The following EXD1 variants were observed in gnomAD, a reference collection of about 807,000 sequenced individuals.
The protein encoded by EXD1 is exonuclease 3'-5' domain containing 1.
Under a neutral mutation model 49.1 loss-of-function variants are expected in EXD1, and 63 were observed. The observed-to-expected ratio is 1.28, with a 90% CI of 1.05 to 1.58. EXD1 has a LOEUF of 1.58. EXD1 is among the 40% of genes most tolerant of loss of function. The probability of loss-of-function intolerance (pLI) is 0.00; values close to 1 mark genes in which losing one functional copy is unlikely to be tolerated. For synonymous variants in EXD1, 234 were observed against 239.2 expected, an observed-to-expected ratio of 0.98 and a Z score of 0.20; for missense variants, 748 against 666.0, an observed-to-expected ratio of 1.12 and a Z score of -1.36.
At chr15:41,187,181 G>C (rs1019877474) in intron 11 of EXD1, among the ~76,000 whole-genome samples, 6 of 149,122 alleles carry the variant, frequency 4.0e-5, no homozygotes, top group African/African-American at 1.0e-4. Context: ...ACCACACCCG[G>C]TCTGTCCAAG....
chr15:41,185,818 G>A (rs767133660), intron 11 of EXD1, among the ~76,000 whole-genome samples: 7 of 152,124 alleles, frequency 4.6e-5, no homozygotes, highest in South Asian at 4.1e-4. Context: ...ACCACACCCG[G>A]CATCCGATTA....
At chr15:41,191,733 C>T in intron 9 of EXD1, 148 bp from the exon 10 acceptor site, 1 of 732,104 alleles carries the variant, frequency 1.4e-6, no homozygotes, top group Non-Finnish European at 2.1e-6. Context: ...TAAAGTTGTT[C>T]AGCCAACTTA....
chr15:41,198,755 C>T (rs1246035003), intron 7 of EXD1, among the ~76,000 whole-genome samples: 1 of 151,108 alleles, frequency 6.6e-6, no homozygotes, highest in Middle Eastern at 3.2e-3. Context: ...GCCCAGGCTG[C>T]AGTGCAATGG....
chr15:41,191,369 T>C (rs2046511930), intron 10 of EXD1, 73 bp downstream of exon 10: 2 of 1,400,276 alleles, frequency 1.4e-6, no homozygotes, highest in Non-Finnish European at 2.0e-6. Flanking sequence ...TTTTTCTACA[T>C]AACAGGCTGA....
intron 7 of EXD1, among the ~76,000 whole-genome samples, chr15:41,199,753 A>AATATATCATATATT: frequency 1.0e-5 from 1 of 96,870 alleles, no homozygotes; most frequent in Non-Finnish European, 1.9e-5. Flanking sequence ...TATATTATAT[A>AATATATCATATATT]TGATACATAT....
intron 6 of EXD1, among the ~76,000 whole-genome samples, chr15:41,214,620 C>T (rs531772045): frequency 6.6e-6 from 1 of 152,190 alleles, no homozygotes; most frequent in African/African-American, 2.4e-5. Flanking sequence ...CCTCCTGCCC[C>T]CTTCCATCTC....
At chr15:41,185,983 C>CT (rs1246685615) in intron 11 of EXD1, among the ~76,000 whole-genome samples, 4 of 151,994 alleles carry the variant, frequency 2.6e-5, no homozygotes, top group African/African-American at 9.7e-5. Context: ...ATTCTGATTC[C>CT]TTTTTTCAAT....
chr15:41,230,400 C>G (rs953281510), intron 1 of EXD1, 79 bp downstream of exon 1: 1 of 1,496,298 alleles, frequency 6.7e-7, no homozygotes, highest in African/African-American at 1.4e-5. Context: ...TTAATCAAAA[C>G]AAACAATACA....
chr15:41,208,216 T>C (rs2046863907), intron 7 of EXD1, among the ~76,000 whole-genome samples: 1 of 151,608 alleles, frequency 6.6e-6, no homozygotes, highest in Non-Finnish European at 1.5e-5. Flanking sequence ...TTTGTGCTGC[T>C]AATTCAAACC....
chr15:41,219,897 C>T lies in EXD1; in HGVS notation c.135G>A (p.Val45=), dbSNP rs1467858895. ...CACTTCGACCTGTCTCCACATTCTT[C>T]ACTGTTACAGAAAACAATTCATTCA... ...DPNKIVVLKK[V]KNVETGRSVP... Residue 45 remains valine, a splice_region_variant and synonymous_variant, in exon 3 of 12, where the codon GTG becomes GTA. Coordinates refer to ENST00000458580, the MANE Select transcript of EXD1 (RefSeq NM_001286441.2). 6.5e-7 allele frequency: 1 copy of T among 1,534,244 alleles called. No homozygotes were observed. The highest frequency in any genetic ancestry group is 8.7e-7 in the Non-Finnish European group (1 of 1,146,070).
intron 11 of EXD1, among the ~76,000 whole-genome samples, chr15:41,185,957 T>C (rs964667380): frequency 3.9e-5 from 6 of 152,218 alleles, no homozygotes; most frequent in African/African-American, 1.4e-4. Flanking sequence ...TTTAGTTGTA[T>C]AGCTGGCAAG....
At chr15:41,189,780 A>G (rs2046475946) in intron 11 of EXD1, among the ~76,000 whole-genome samples, 157 bp downstream of exon 11, 1 of 152,208 alleles carries the variant, frequency 6.6e-6, no homozygotes, top group South Asian at 2.1e-4. Context: ...TGAAAAAGTG[A>G]GGGGATGGAT....
chr15:41,212,944 G>A (rs974327135), intron 6 of EXD1, among the ~76,000 whole-genome samples: 1 of 152,064 alleles, frequency 6.6e-6, no homozygotes, highest in African/African-American at 2.4e-5. Context: ...GGGAGGCTAA[G>A]GTGGGAGGAT....
rs747130375 is a variant in EXD1 at position 41,184,310 on chromosome 15, G to C, written c.1340C>G (p.Ala447Gly). Residue 447 changes from alanine to glycine, a missense_variant, in exon 12 of 12, where the codon GCT becomes GGT. Transcript: ENST00000458580. ...GGGAGGTAGATGTTGAGGATTTGTA[G>C]CTTGTTTATTCAAAGATTCTTCTTT... is the stretch of plus-strand genomic sequence containing the variant. Reference protein sequence around the residue: ...LLKEESLNKQATNPQHLPPTE... With the variant: ...LLKEESLNKQGTNPQHLPPTE... 2 of 1,614,036 alleles carry C rather than the reference G, an allele frequency of 1.2e-6. No individual in the cohort carries two copies. The highest frequency in any genetic ancestry group is 8.5e-7 in the Non-Finnish European group (1 of 1,180,028).
intron 6 of EXD1, among the ~76,000 whole-genome samples, chr15:41,213,295 G>C (rs1020718264): frequency 6.6e-6 from 1 of 150,638 alleles, no homozygotes; most frequent in Admixed American, 6.6e-5. Context: ...TCTGCCTCCT[G>C]GGTTCAAGCA....
In EXD1 at chr15:41,230,570, GCGTTCCT is replaced by G; in HGVS notation, c.-152_-146del. ...TGGATCCTAATTTCAGCCAAGTGGT[GCGTTCCT>G]CGAACTTCAGTCTAGAACTAAAAGA... On this transcript the variant is annotated 5_prime_UTR_variant, in exon 1 of 12. Transcript: ENST00000458580. The G allele has an allele frequency of 6.2e-7, 1 of 1,613,394 alleles. No individual in the cohort carries two copies. The highest frequency in any genetic ancestry group is 8.5e-7 in the Non-Finnish European group (1 of 1,179,504).
At position 41,183,988 on chromosome 15, in the gene EXD1, G is replaced by T; in HGVS notation, c.1662C>A (p.Pro554=). ...IRKTVVSTLP[P]CPALEKIDSW... ...AATCGATCTTCTCCAAGGCTGGACA[G>T]GGAGGGAGTGTGGAAACCACAGTCT... Residue 554 remains proline, a synonymous_variant, in exon 12 of 12, where the codon CCC becomes CCA. Transcript: ENST00000458580. 1 of 1,613,826 alleles carries T rather than the reference G, an allele frequency of 6.2e-7. No homozygotes were observed. Among genetic ancestry groups the T allele is most frequent in the Non-Finnish European group, 8.5e-7 (1 of 1,179,856 alleles).
chr15:41,207,092 T>C (rs1328830482), intron 7 of EXD1, among the ~76,000 whole-genome samples: 2 of 145,256 alleles, frequency 1.4e-5, no homozygotes, highest in Non-Finnish European at 3.0e-5. Flanking sequence ...AATACAAAAA[T>C]TACCCGAGCG....
Position 41,228,738 on chromosome 15 carries a change from C to T in EXD1, c.-54+1741G>A, listed in dbSNP as rs976346787. Among the ~76,000 whole-genome samples the T allele has an allele frequency of 3.3e-5, 5 of 152,062 alleles. No individual in the cohort carries two copies. The East Asian group carries it at 7.7e-4, about 23-fold the overall frequency. On this transcript the variant is annotated intron_variant, in intron 1 of 11. Coordinates refer to ENST00000458580, the MANE Select transcript of EXD1 (RefSeq NM_001286441.2). ...TTTTTGAGATGGAGTCTCACTCTGT[C>T]GCCAGGCTGGAGTGCAGTACCGCTA...
Sources: allele counts gnomAD v4.1 joint callset (sites outside exome capture counted in the v4.1 genomes callset), GRCh38; gene constraint gnomAD v4.1.1; transcripts MANE v1.5; gene names NCBI Gene and HGNC (gene_info 2026-07-23, HGNC 2026-07-21).